Variants in DNASE1L3 observed in about 807,000 individuals in gnomAD.
DNASE1L3 encodes deoxyribonuclease gamma.
DNASE1L3 carries 27 observed loss-of-function variants against 30.9 expected under a neutral mutation model. That is an observed-to-expected ratio of 0.87 (90% CI 0.64 to 1.20). The LOEUF is 1.20. Among genes scored for constraint, DNASE1L3 ranks in the 50% most tolerant of loss-of-function variants. The pLI, the probability that DNASE1L3 is intolerant of heterozygous loss-of-function variation, is 0.00. For missense variants in DNASE1L3, 364 were observed against 378.2 expected (o/e 0.96, Z 0.31); for synonymous variants, 135 against 138.0 (o/e 0.98, Z 0.15).
chr3:58,194,817 A>G (rs2097396268), intron 6 of DNASE1L3, among the ~76,000 whole-genome samples: 1 of 150,696 alleles, frequency 6.6e-6, no homozygotes, highest in Non-Finnish European at 1.5e-5. Flanking sequence ...TTTAGTAGAG[A>G]CGGGGTTTCA....
intron 4 of DNASE1L3, among the ~76,000 whole-genome samples, chr3:58,202,535 C>T (rs368601388): frequency 2.6e-5 from 4 of 151,690 alleles, no homozygotes; most frequent in African/African-American, 4.8e-5. Context: ...CATGAGCCAC[C>T]GAGCCCAGTC....
intron 1 of DNASE1L3, among the ~76,000 whole-genome samples, chr3:58,209,208 T>C (rs527448831): frequency 6.6e-6 from 1 of 152,302 alleles, no homozygotes; most frequent in South Asian, 2.1e-4. Context: ...GTTTTGGGGA[T>C]GGCCTCTTGG....
chr3:58,195,543 G>A (rs1288713664), intron 6 of DNASE1L3, among the ~76,000 whole-genome samples: 7 of 144,588 alleles, frequency 4.8e-5, no homozygotes, highest in African/African-American at 1.0e-4. Flanking sequence ...CAAAGCAGGC[G>A]GATCACCTGA....
chr3:58,205,586 A>C, intron 2 of DNASE1L3, 26 bp from the exon 3 acceptor site: 1 of 1,577,898 alleles, frequency 6.3e-7, no homozygotes, highest in East Asian at 2.2e-5. Context: ...TTAACACTGC[A>C]TCTTGAAGAG....
rs763778721 is a variant in DNASE1L3, at chr3:58,210,852, G to C, written c.55C>G (p.Leu19Val). The C allele has an allele frequency of 1.1e-5, 18 of 1,614,132 alleles. No homozygotes were observed. ...TTGAAGGAGCAGATCCTCATGGCCA[G>C]GGCGCTGTGGATGGAGAGGAGGAGA... ...LLLLLSIHSALAMRICSFNVR... is the reference protein window; with the variant it reads ...LLLLLSIHSAVAMRICSFNVR... The change falls in exon 1 of 8, where the codon CTG (leucine) becomes GTG (valine). Residue 19 changes from leucine (L) to valine (V), a missense_variant. Physicochemically the swap from Leu to Val is conservative, Grantham distance 32. Transcript: ENST00000394549.
chr3:58,208,458 A>C, intron 1 of DNASE1L3, 152 bp from the exon 2 acceptor site: 1 of 760,164 alleles, frequency 1.3e-6, no homozygotes, highest in South Asian at 1.8e-5. Flanking sequence ...TGAGGTAGGT[A>C]GGTGCTTTTG....
chr3:58,209,374 CT>C (rs1464179936), intron 1 of DNASE1L3, among the ~76,000 whole-genome samples: 1 of 152,230 alleles, frequency 6.6e-6, no homozygotes, highest in African/African-American at 2.4e-5. Context: ...GAGATGGGAA[CT>C]CAGTGGCTAC....
chr3:58,199,678 A>G (rs556952022), intron 5 of DNASE1L3, among the ~76,000 whole-genome samples: 119 of 152,138 alleles, frequency 7.8e-4, no homozygotes, highest in African/African-American at 2.5e-3. Context: ...AAAAAAAAAA[A>G]AAAGAATCAC....
chr3:58,199,261 G>A (rs1300060413), intron 5 of DNASE1L3, among the ~76,000 whole-genome samples: 5 of 152,148 alleles, frequency 3.3e-5, no homozygotes, highest in Admixed American at 6.6e-5. Context: ...TTTACACCTG[G>A]CAGCAATAAA....
rs1277062452 is a variant in DNASE1L3, at chr3:58,200,309, G to A, written c.546+688C>T. 6.6e-6 allele frequency among the ~76,000 whole-genome samples: 1 copy of A among 152,186 alleles called. No individual in the cohort carries two copies. Among genetic ancestry groups the A allele is most frequent in the East Asian group, 1.9e-4 (1 of 5,194 alleles). ...GACACCTGACCCAGTCAGAGCCAAT[G>A]AGACTCAGTCCCACACTATTTGTTG... On this transcript the variant is annotated intron_variant, in intron 5 of 7. Coordinates refer to ENST00000394549, the MANE Select transcript of DNASE1L3 (RefSeq NM_004944.4). The surrounding 1 kb of genome is among the most constrained non-coding windows in gnomAD (Gnocchi z 4.2).
intron 1 of DNASE1L3, 131 bp downstream of exon 1, chr3:58,210,635 T>C: frequency 1.4e-6 from 2 of 1,384,544 alleles, no homozygotes; most frequent in East Asian, 4.6e-5. Context: ...GTTGAAGTGG[T>C]TATTGTTCCA....
Position 58,203,997 on chromosome 3 carries a change from C to A in DNASE1L3, c.433+772G>T, listed in dbSNP as rs540954176. Among the ~76,000 whole-genome samples, 12 of 152,230 alleles carry A rather than the reference C, an allele frequency of 7.9e-5. 1 individual carries two copies. The South Asian group carries it at 2.5e-3, about 32-fold the overall frequency. Reference sequence around the variant, plus strand: ...CAGGAGGCTGGCACTTAATCAGGGGCCAGTACAAGTACTGTTGTTAGAGTT... The same window carrying A: ...CAGGAGGCTGGCACTTAATCAGGGGACAGTACAAGTACTGTTGTTAGAGTT... On this transcript the variant is annotated intron_variant, in intron 4 of 7. Coordinates refer to ENST00000394549, the MANE Select transcript of DNASE1L3 (RefSeq NM_004944.4).
chr3:58,209,112 G>A (rs572396445), intron 1 of DNASE1L3, among the ~76,000 whole-genome samples: 4 of 152,178 alleles, frequency 2.6e-5, no homozygotes, highest in African/African-American at 4.8e-5. Flanking sequence ...GGAGGTGCTT[G>A]GTCAATGGGC....
intron 4 of DNASE1L3, among the ~76,000 whole-genome samples, chr3:58,204,385 C>A (rs892656700): frequency 1.3e-5 from 2 of 152,186 alleles, no homozygotes; most frequent in Non-Finnish European, 2.9e-5. Flanking sequence ...AGGTGATCCA[C>A]CTGCCTCAGC....
rs1653215322 is a variant in DNASE1L3 at position 58,193,545 on chromosome 3, T to C, written c.705-106A>G. On this transcript the variant is annotated intron_variant, in intron 6 of 7. Transcript: ENST00000394549. ...TGGAATTAACCGAGCAGTCTGGCCC[T>C]TTCATGTGGCGCTCAAAGTCCAGAG... 4.2e-6 allele frequency: 4 copies of C among 945,706 alleles called. 1 individual carries two copies. In the Admixed American group the frequency reaches 9.0e-5, roughly 21 times the overall value. The allele number at this position is 945,706 out of a possible 1,614,324, so 58.6% of individuals were successfully genotyped here. A position where few individuals can be genotyped will look rare whatever the true frequency, so the allele number is the denominator to read the frequency against.
At chr3:58,196,503 A>C (rs1282459358) in intron 6 of DNASE1L3, among the ~76,000 whole-genome samples, 2 of 144,190 alleles carry the variant, frequency 1.4e-5, no homozygotes, top group Non-Finnish European at 3.0e-5. Context: ...CAGTGAGCCG[A>C]GATCGCACCA....
chr3:58,195,999 G>C (rs1053722003), intron 6 of DNASE1L3, among the ~76,000 whole-genome samples: 3 of 152,100 alleles, frequency 2.0e-5, no homozygotes, highest in African/African-American at 7.2e-5. Context: ...GTTGCCTTCT[G>C]ATTCTTCTGT....
chr3:58,207,896 T>C (rs924766089), intron 2 of DNASE1L3: 21 of 253,088 alleles, frequency 8.3e-5, no homozygotes, highest in African/African-American at 4.6e-4. Flanking sequence ...TTATCTTTCT[T>C]CTACTATTGG....
intron 3 of DNASE1L3, 105 bp from the exon 4 acceptor site, chr3:58,204,986 G>T: frequency 9.7e-7 from 1 of 1,032,312 alleles, no homozygotes. Flanking sequence ...AGCCAGAGCA[G>T]GCTCAAGCAC....
Sources: allele counts gnomAD v4.1 joint callset (sites outside exome capture counted in the v4.1 genomes callset), GRCh38; gene constraint gnomAD v4.1.1; non-coding constraint Gnocchi (gnomAD v3.1); transcripts MANE v1.5; gene names NCBI Gene and HGNC (gene_info 2026-07-23, HGNC 2026-07-21).